TOX: variants seen among roughly 807,000 people sequenced by gnomAD.
TOX encodes thymocyte selection associated high mobility group box.
In TOX, 11 loss-of-function variants were observed where a neutral mutation model predicts 53.7. The ratio of observed to expected loss-of-function variants is 0.20; its 90% CI spans 0.13 to 0.34. The LOEUF is 0.34. Among genes scored for constraint, TOX ranks in the 10% least tolerant of loss-of-function variants. The pLI, the probability that TOX is intolerant of heterozygous loss-of-function variation, is 1.00. For missense variants in TOX, 570 were observed against 664.6 expected (o/e 0.86, Z 1.56); for synonymous variants, 225 against 245.3 (o/e 0.92, Z 0.77).
At chr8:58,825,259 T>C (rs1178973015) in intron 6 of TOX, among the ~76,000 whole-genome samples, 12 of 152,172 alleles carry the variant, frequency 7.9e-5, no homozygotes, top group Admixed American at 7.9e-4. Context: ...AATAGATGGT[T>C]GTACATAAAT....
At chr8:59,021,703 G>T (rs552656805) in intron 1 of TOX, among the ~76,000 whole-genome samples, 1 of 151,834 alleles carries the variant, frequency 6.6e-6, no homozygotes, top group East Asian at 1.9e-4. Context: ...CCTGTTGTAG[G>T]CACCTCTTAA....
chr8:59,118,808 G>T lies in TOX; in HGVS notation c.102+78C>A. On this transcript the variant is annotated intron_variant, in intron 1 of 8. Transcript: ENST00000361421. The surrounding 1 kb of genome is among the most constrained non-coding windows in gnomAD (Gnocchi z 4.1). ...GACCGGCCTCCGCCAAGCCGGCCCCGCCGCGGCCCGGCCACCGCCGCTCCC... is the reference window on the plus strand; with the variant it reads ...GACCGGCCTCCGCCAAGCCGGCCCCTCCGCGGCCCGGCCACCGCCGCTCCC... 1 of 1,212,458 alleles carries T rather than the reference G, an allele frequency of 8.2e-7. No individual in the cohort carries two copies. Among genetic ancestry groups the T allele is most frequent in the Non-Finnish European group, 1.1e-6 (1 of 877,972 alleles). The allele number at this position is 1,212,458 out of a possible 1,614,324, so 75.1% of individuals were successfully genotyped here. A position where few individuals can be genotyped will look rare whatever the true frequency, so the allele number is the denominator to read the frequency against.
chr8:59,002,136 G>C (rs561005181), intron 1 of TOX, among the ~76,000 whole-genome samples: 225 of 151,188 alleles, frequency 1.5e-3, no homozygotes, highest in Middle Eastern at 7.0e-3. Flanking sequence ...CCACCATGCT[G>C]GCTAATTTTG....
Position 58,807,620 on chromosome 8 carries a change from A to G in TOX, c.*127T>C. The G allele has an allele frequency of 1.0e-6, 1 of 989,296 alleles. No individual in the cohort carries two copies. Among genetic ancestry groups the G allele is most frequent in the Non-Finnish European group, 1.5e-6 (1 of 661,992 alleles). The allele number at this position is 989,296 out of a possible 1,614,324, so 61.3% of individuals were successfully genotyped here. On this transcript the variant is annotated 3_prime_UTR_variant, in exon 9 of 9. Coordinates refer to ENST00000361421, the MANE Select transcript of TOX (RefSeq NM_014729.3). ...CCAGAGTGGGTGACCCACAAGCTCA[A>G]ATGGTCCTAAGTGCTTAGCAACTTG...
At chr8:58,975,296 T>C (rs1813076398) in intron 1 of TOX, among the ~76,000 whole-genome samples, 3 of 148,058 alleles carry the variant, frequency 2.0e-5, no homozygotes, top group East Asian at 4.0e-4. Flanking sequence ...AGAGGGGAGA[T>C]TGACACTACT....
chr8:58,999,406 GA>G (rs377465063), intron 1 of TOX, among the ~76,000 whole-genome samples: 3 of 147,080 alleles, frequency 2.0e-5, no homozygotes, highest in African/African-American at 2.5e-5. Flanking sequence ...AGTCAAAGGA[GA>G]AAAAAAAAAG....
intron 1 of TOX, among the ~76,000 whole-genome samples, chr8:58,998,573 A>AATAAATT (rs1563413646): frequency 0.033 from 2,568 of 76,832 alleles, 113 homozygotes; most frequent in Middle Eastern, 0.13. Flanking sequence ...TAATAAATGT[A>AATAAATT]TATATAATAA....
intron 1 of TOX, among the ~76,000 whole-genome samples, chr8:59,052,870 T>TA (rs552799452): frequency 6.6e-6 from 1 of 152,094 alleles, no homozygotes; most frequent in South Asian, 2.1e-4. Flanking sequence ...AGCTGTAAAA[T>TA]AAAAAATTTT....
At chr8:58,980,851 A>G (rs1353849597) in intron 1 of TOX, among the ~76,000 whole-genome samples, 1 of 152,130 alleles carries the variant, frequency 6.6e-6, no homozygotes, top group Non-Finnish European at 1.5e-5. Flanking sequence ...ACTGGTCAAG[A>G]GGTAGAGGTG....
chr8:59,064,161 G>A (rs1804045848), intron 1 of TOX, among the ~76,000 whole-genome samples: 1 of 152,100 alleles, frequency 6.6e-6, no homozygotes, highest in South Asian at 2.1e-4. Context: ...GGTCTGAAAT[G>A]CTAAAAATGA....
chr8:59,007,169 C>G (rs1184447479), intron 1 of TOX, among the ~76,000 whole-genome samples: 2 of 152,010 alleles, frequency 1.3e-5, no homozygotes, highest in Non-Finnish European at 2.9e-5. Flanking sequence ...CTCCACAGCT[C>G]TCAGAGCTGT....
At chr8:58,964,368 G>C (rs554199378) in intron 1 of TOX, among the ~76,000 whole-genome samples, 1 of 152,168 alleles carries the variant, frequency 6.6e-6, no homozygotes, top group Admixed American at 6.5e-5. Context: ...CACACTCCAG[G>C]GCCCAGGTGA....
intron 1 of TOX, among the ~76,000 whole-genome samples, chr8:58,965,894 G>GTTTTTTTTTTTTTTTTTTT (rs67045037): frequency 2.0e-5 from 1 of 49,616 alleles, no homozygotes; most frequent in Non-Finnish European, 3.7e-5. Context: ...ACGAGTCATC[G>GTTTTTTTTTTTTTTTTTTT]TTTTTTTTTT....
At chr8:59,054,401 C>A (rs1177807684) in intron 1 of TOX, among the ~76,000 whole-genome samples, 1 of 152,160 alleles carries the variant, frequency 6.6e-6, no homozygotes, top group Non-Finnish European at 1.5e-5. Flanking sequence ...TGTCCGAGAT[C>A]AGGAACTGTT....
chr8:58,808,392 G>A (rs1585835751), intron 7 of TOX, 123 bp from the exon 8 acceptor site: 6 of 1,276,960 alleles, frequency 4.7e-6, no homozygotes, highest in Non-Finnish European at 6.2e-6. Flanking sequence ...GCAAGGGCAA[G>A]CCTGTCGGAA....
chr8:59,118,742 C>T lies in TOX; in HGVS notation c.102+144G>A, dbSNP rs1805154253. On this transcript the variant is annotated intron_variant, in intron 1 of 8. Coordinates refer to ENST00000361421, the MANE Select transcript of TOX (RefSeq NM_014729.3). This position sits in a 1 kb window ranked among gnomAD's most constrained non-coding sequence, Gnocchi z 4.1. ...TACTCCACAATATTTACTACCCAAG[C>T]GCACGCAGGCTGCAGCGGGCTGCGA... The T allele has an allele frequency of 2.2e-6, 1 of 450,548 alleles. No homozygotes were observed. The highest frequency in any genetic ancestry group is 3.8e-6 in the Non-Finnish European group (1 of 263,028). 27.9% of individuals were successfully genotyped at this position (450,548 alleles called of 1,614,324 possible). A position where few individuals can be genotyped will look rare whatever the true frequency, so the allele number is the denominator to read the frequency against.
chr8:59,062,652 A>C (rs1319235837), intron 1 of TOX, among the ~76,000 whole-genome samples: 3 of 152,200 alleles, frequency 2.0e-5, no homozygotes, highest in African/African-American at 7.2e-5. Context: ...AGTTGTTCCC[A>C]GTGACAGAGG....
chr8:58,867,964 G>T (rs1811131023), intron 3 of TOX, among the ~76,000 whole-genome samples: 2 of 152,050 alleles, frequency 1.3e-5, no homozygotes, highest in South Asian at 4.1e-4. Flanking sequence ...TTTTGTATTT[G>T]ATATGGTTTA....
At chr8:58,920,448 A>G (rs1332849072) in intron 3 of TOX, among the ~76,000 whole-genome samples, 2 of 63,202 alleles carry the variant, frequency 3.2e-5, no homozygotes, top group Non-Finnish European at 6.0e-5. Context: ...TCAGTAAACT[A>G]TCGCAAGAAC....
Sources: allele counts gnomAD v4.1 joint callset (sites outside exome capture counted in the v4.1 genomes callset), GRCh38; gene constraint gnomAD v4.1.1; non-coding constraint Gnocchi (gnomAD v3.1); transcripts MANE v1.5; gene names NCBI Gene and HGNC (gene_info 2026-07-23, HGNC 2026-07-21).